SHMT1: variants seen among roughly 807,000 people sequenced by gnomAD.
SHMT1 encodes serine hydroxymethyltransferase 1.
A neutral mutation model predicts 49.0 loss-of-function variants in SHMT1; 45 were observed. The observed-to-expected ratio is 0.92, with a 90% CI of 0.72 to 1.18. The LOEUF is 1.18. Ranked by LOEUF, SHMT1 falls within the 50% of genes most tolerant of loss-of-function variation. SHMT1 has a pLI of 0.00. For synonymous variants in SHMT1, 232 were observed against 246.6 expected, an observed-to-expected ratio of 0.94 and a Z score of 0.55; for missense variants, 541 against 612.4, an observed-to-expected ratio of 0.88 and a Z score of 1.23.
At chr17:18,329,062 T>C in intron 11 of SHMT1, 143 bp from the exon 12 acceptor site, 1 of 1,101,840 alleles carries the variant, frequency 9.1e-7, no homozygotes, top group Non-Finnish European at 1.3e-6. Context: ...CCTCAATTAC[T>C]CTGAGATGCA....
intron 10 of SHMT1, among the ~76,000 whole-genome samples, chr17:18,330,350 G>C (rs1983061303): frequency 6.6e-6 from 1 of 152,088 alleles, no homozygotes; most frequent in Admixed American, 6.6e-5. Flanking sequence ...TGGCCAGGCT[G>C]GTCTCGAATT....
chr17:18,362,917 G>A (rs1044144812), intron 1 of SHMT1: 3 of 152,258 alleles, frequency 2.0e-5, no homozygotes, highest in African/African-American at 7.2e-5. Flanking sequence ...CAGGCTTTGA[G>A]AACCCGGGTT....
At chr17:18,357,279 CAAAAAAAAAAAAAAAAAA>C (rs10560620) in intron 1 of SHMT1, among the ~76,000 whole-genome samples, 1 of 89,512 alleles carries the variant, frequency 1.1e-5, no homozygotes, top group South Asian at 4.3e-4. Context: ...GACTCCACCT[CAAAAAAAAAAAAAAAAAA>C]AAAAAAAAAG....
At position 18,358,150 on chromosome 17, in the gene SHMT1, T is replaced by TAA. The variant is rs775035265; in HGVS notation, c.-19-2152_-19-2151dup. Among the ~76,000 whole-genome samples the TAA allele has an allele frequency of 1.2e-3, 132 of 113,464 alleles. 1 individual carries two copies. The highest frequency in any genetic ancestry group is 3.4e-3 in the South Asian group (9 of 2,680). 74.4% of individuals were successfully genotyped at this position (113,464 alleles called of 152,430 possible). The stretch of plus-strand genomic sequence containing the variant: ...CGCGCCCAGCCTGGGCTAGGACTCT[T>TAA]AAAAAAAAAAAAAAAAGAACTAAAG... On this transcript the variant is annotated intron_variant, in intron 1 of 11. Coordinates refer to ENST00000316694, the MANE Select transcript of SHMT1 (RefSeq NM_004169.5).
intron 1 of SHMT1, among the ~76,000 whole-genome samples, chr17:18,357,497 G>A (rs1335330915): frequency 6.6e-6 from 1 of 151,962 alleles, no homozygotes; most frequent in Non-Finnish European, 1.5e-5. Context: ...ATGACCACCA[G>A]TAGTATTTTA....
chr17:18,339,767 A>C (rs549767881), intron 7 of SHMT1, among the ~76,000 whole-genome samples: 1 of 152,222 alleles, frequency 6.6e-6, no homozygotes, highest in African/African-American at 2.4e-5. Flanking sequence ...TCACCGTGTT[A>C]GCCAGGATGG....
At chr17:18,338,984 C>G (rs947731232) in intron 7 of SHMT1, among the ~76,000 whole-genome samples, 1 of 147,860 alleles carries the variant, frequency 6.8e-6, no homozygotes, top group Non-Finnish European at 1.5e-5. Context: ...CTTCCCTCCA[C>G]TATTGTCCTA....
intron 11 of SHMT1, 81 bp from the exon 12 acceptor site, chr17:18,329,000 C>T: frequency 2.6e-6 from 4 of 1,556,640 alleles, no homozygotes; most frequent in Non-Finnish European, 3.5e-6. Flanking sequence ...GCACAAATGT[C>T]AGAATGTCCC....
intron 2 of SHMT1, among the ~76,000 whole-genome samples, chr17:18,355,375 A>G (rs1986145127): frequency 6.7e-6 from 1 of 149,538 alleles, no homozygotes; most frequent in Non-Finnish European, 1.5e-5. Context: ...GTCTCAAAAA[A>G]AAAAAAAAAA....
chr17:18,340,176 C>A lies in SHMT1; in HGVS notation c.681G>T (p.Ala227=). 6.2e-7 allele frequency: 1 copy of A among 1,614,204 alleles called. No homozygotes were observed. Among genetic ancestry groups the A allele is most frequent in the East Asian group, 2.2e-5 (1 of 44,884 alleles). ...IADENGAYLM[A]DMAHISGLVA... ...CCAGCCCGCTGATGTGAGCCATGTC[C>A]GCCATGAGATACGCCCCGTTCTCAT... The change falls in exon 7 of 12, where the codon GCG becomes GCT. Residue 227 remains alanine, a synonymous_variant. Transcript: ENST00000316694. The surrounding 1 kb of genome is among the most constrained non-coding windows in gnomAD (Gnocchi z 4.5).
At chr17:18,363,088 G>C (rs1986920917) in intron 1 of SHMT1, 1 of 152,310 alleles carries the variant, frequency 6.6e-6, no homozygotes, top group Non-Finnish European at 1.5e-5. Flanking sequence ...GTGTTCAGTG[G>C]AGAGCTACTA....
At position 18,348,909 on chromosome 17, in the gene SHMT1, G is replaced by A. The variant is rs566235059; in HGVS notation, c.243-469C>T. Among the ~76,000 whole-genome samples, 5 of 151,122 alleles carry A rather than the reference G, an allele frequency of 3.3e-5. No homozygotes were observed. The South Asian group carries it at 6.3e-4, about 19-fold the overall frequency. ...GGGAAGATTCACTTTGGCCCAGGAGGTAAAGGCTGCAGTGAGCTGTGATCA... is the reference window on the plus strand; with the variant it reads ...GGGAAGATTCACTTTGGCCCAGGAGATAAAGGCTGCAGTGAGCTGTGATCA... On this transcript the variant is annotated intron_variant, in intron 3 of 11. Transcript: ENST00000316694.
chr17:18,355,800 T>G (rs903135521), intron 2 of SHMT1, 86 bp downstream of exon 2: 2 of 836,600 alleles, frequency 2.4e-6, no homozygotes, highest in Non-Finnish European at 4.1e-6. Flanking sequence ...ATTTCAAGGC[T>G]GTCCCTAATT....
At chr17:18,349,697 C>A (rs1357654357) in intron 3 of SHMT1, among the ~76,000 whole-genome samples, 1 of 151,926 alleles carries the variant, frequency 6.6e-6, no homozygotes, top group African/African-American at 2.4e-5. Context: ...ACAGCTGGAG[C>A]AACACAGTGA....
intron 5 of SHMT1, chr17:18,341,081 C>T (rs1984453594): frequency 1.9e-6 from 1 of 514,576 alleles, no homozygotes; most frequent in Non-Finnish European, 3.5e-6. Flanking sequence ...AAAGCACCTG[C>T]AGAATGAAAC....
intron 1 of SHMT1, among the ~76,000 whole-genome samples, chr17:18,359,262 G>C (rs1055258479): frequency 5.3e-5 from 8 of 151,700 alleles, no homozygotes; most frequent in Non-Finnish European, 7.4e-5. Flanking sequence ...AAAAGGGCCT[G>C]GTATGGTGGC....
chr17:18,331,240 TGG>T, intron 9 of SHMT1: 1 of 220,660 alleles, frequency 4.5e-6, no homozygotes, highest in Non-Finnish European at 9.1e-6. Flanking sequence ...TTCATTAAGC[TGG>T]GGTAGTGCCT....
chr17:18,350,508 C>T (rs12450760), intron 3 of SHMT1, among the ~76,000 whole-genome samples: 39,358 of 151,062 alleles, frequency 0.26, 5,184 homozygotes, highest in East Asian at 0.3. Flanking sequence ...TGTGGTGGCA[C>T]GCACCTGTGG....
Position 18,328,645 on chromosome 17 carries a change from G to A in SHMT1, c.*105C>T, listed in dbSNP as rs1276100679. 13 of 1,290,072 alleles carry A rather than the reference G, an allele frequency of 1.0e-5. No individual in the cohort carries two copies. Among genetic ancestry groups the A allele is most frequent in the Non-Finnish European group, 1.3e-5 (12 of 923,482 alleles). 79.9% of individuals were successfully genotyped at this position (1,290,072 alleles called of 1,614,324 possible). A position where few individuals can be genotyped will look rare whatever the true frequency, so the allele number is the denominator to read the frequency against. On this transcript the variant is annotated 3_prime_UTR_variant, in exon 12 of 12. Transcript: ENST00000316694. ...AGAAACCCCCTCAAAGGGCCCGAGTGTCAACAGTTCCCCTTTGGAGCAGCT... is the reference window on the plus strand; with the variant it reads ...AGAAACCCCCTCAAAGGGCCCGAGTATCAACAGTTCCCCTTTGGAGCAGCT...
Sources: gnomAD v4.1 joint callset for allele counts (sites outside exome capture counted in the v4.1 genomes callset) on GRCh38, gnomAD v4.1.1 for gene constraint, Gnocchi (gnomAD v3.1) non-coding constraint, MANE v1.5 for transcripts, NCBI Gene and HGNC (gene_info 2026-07-23, HGNC 2026-07-21) for gene names.